Variants in SIPA1L3 observed in about 807,000 individuals in gnomAD.
The protein encoded by SIPA1L3 is signal-induced proliferation-associated 1-like protein 3.
In SIPA1L3, 59 loss-of-function variants were observed where a neutral mutation model predicts 150.1. That is an observed-to-expected ratio of 0.39 (90% CI 0.32 to 0.49). The LOEUF is 0.49. SIPA1L3 is among the 20% of genes least tolerant of loss of function. The pLI, the probability that SIPA1L3 is intolerant of heterozygous loss-of-function variation, is 0.86. For synonymous variants in SIPA1L3, 1,070 were observed against 1,077.6 expected (o/e 0.99, Z 0.14); for missense variants, 2,211 against 2,489.5 (o/e 0.89, Z 2.38).
intron 1 of SIPA1L3, among the ~76,000 whole-genome samples, chr19:37,927,289 T>C (rs533897509): frequency 6.6e-6 from 1 of 151,876 alleles, no homozygotes; most frequent in South Asian, 2.1e-4. Flanking sequence ...GGATTACAGG[T>C]GCCTCCACCA....
Position 38,100,907 on chromosome 19 carries a change from T to C in SIPA1L3, c.1855-145T>C, listed in dbSNP as rs1461034136. ...GGGACATGCTGCCATGCCCCAACAC[T>C]GTTTTCCCCTGTCTGGCTATGGCTC... is the stretch of plus-strand genomic sequence containing the variant. On this transcript the variant is annotated intron_variant, in intron 5 of 21. Coordinates refer to ENST00000222345, the MANE Select transcript of SIPA1L3 (RefSeq NM_015073.3). 12 of 865,018 alleles carry C rather than the reference T, an allele frequency of 1.4e-5. No individual in the cohort carries two copies. In the East Asian group the frequency reaches 3.8e-4, roughly 27 times the overall value. The allele number at this position is 865,018 out of a possible 1,614,324, so 53.6% of individuals were successfully genotyped here. A position where few individuals can be genotyped will look rare whatever the true frequency, so the allele number is the denominator to read the frequency against.
At chr19:38,155,439 A>T (rs1028639571) in intron 13 of SIPA1L3, among the ~76,000 whole-genome samples, 1 of 152,184 alleles carries the variant, frequency 6.6e-6, no homozygotes, top group Non-Finnish European at 1.5e-5. Context: ...CTAAGATTTG[A>T]GCATCTTCTC....
chr19:37,966,666 T>C (rs1365372303), intron 1 of SIPA1L3, among the ~76,000 whole-genome samples: 1 of 152,134 alleles, frequency 6.6e-6, no homozygotes, highest in Non-Finnish European at 1.5e-5. Flanking sequence ...CTCCCCAGTG[T>C]TTTCTTCTGT....
chr19:38,057,397 G>A (rs972459035), intron 2 of SIPA1L3, among the ~76,000 whole-genome samples: 3 of 151,150 alleles, frequency 2.0e-5, no homozygotes, highest in African/African-American at 2.4e-5. Context: ...ACAGATTTTC[G>A]AAAACCACTA....
At chr19:38,163,489 CAAAAAAAAAAA>C (rs34366358) in intron 14 of SIPA1L3, among the ~76,000 whole-genome samples, 2 of 51,320 alleles carry the variant, frequency 3.9e-5, no homozygotes, top group East Asian at 1.2e-3. Context: ...GACTCTATCT[CAAAAAAAAAAA>C]AAAAAAAAAA....
intron 2 of SIPA1L3, among the ~76,000 whole-genome samples, chr19:38,077,440 G>C (rs886770865): frequency 2.0e-5 from 3 of 151,774 alleles, no homozygotes; most frequent in African/African-American, 7.3e-5. Context: ...AACAGAGAAA[G>C]ACCCTGTCTC....
chr19:38,108,230 G>T (rs1970664830), intron 7 of SIPA1L3, among the ~76,000 whole-genome samples: 1 of 152,170 alleles, frequency 6.6e-6, no homozygotes. Flanking sequence ...GCAGAGAGCA[G>T]TGCCTTTTCC....
At chr19:38,096,421 T>A (rs954197361) in intron 4 of SIPA1L3, among the ~76,000 whole-genome samples, 2 of 152,098 alleles carry the variant, frequency 1.3e-5, no homozygotes, top group African/African-American at 4.8e-5. Context: ...GGCTAATTTT[T>A]CTATTTTAGT....
intron 17 of SIPA1L3, among the ~76,000 whole-genome samples, chr19:38,192,999 G>A (rs890228084): frequency 6.6e-6 from 1 of 152,102 alleles, no homozygotes; most frequent in Non-Finnish European, 1.5e-5. Flanking sequence ...TGGAGGGTGG[G>A]GTTGGGGAGT....
At chr19:38,129,894 C>G (rs1339063558) in intron 9 of SIPA1L3, among the ~76,000 whole-genome samples, 1 of 152,082 alleles carries the variant, frequency 6.6e-6, no homozygotes, top group Non-Finnish European at 1.5e-5. Context: ...TGGCAAAACC[C>G]TGTCTCTACT....
In SIPA1L3 at chr19:38,078,416, C is replaced by T. The variant is rs375042605; in HGVS notation, c.-310-2840C>T. Among the ~76,000 whole-genome samples, 5 of 151,120 alleles carry T rather than the reference C, an allele frequency of 3.3e-5. No individual in the cohort carries two copies. The East Asian group carries it at 5.8e-4, about 18-fold the overall frequency. On this transcript the variant is annotated intron_variant, in intron 2 of 21. Transcript: ENST00000222345. Reference sequence around the variant, plus strand: ...TAACTGGGCATAAATTAGGAAAAGCCCCCCTACACATGCGCATACATGCAC... The same window carrying T: ...TAACTGGGCATAAATTAGGAAAAGCTCCCCTACACATGCGCATACATGCAC...
intron 1 of SIPA1L3, among the ~76,000 whole-genome samples, chr19:37,977,513 C>G (rs1259938982): frequency 6.6e-6 from 1 of 152,106 alleles, no homozygotes; most frequent in Non-Finnish European, 1.5e-5. Flanking sequence ...AATCCCTGAG[C>G]AAGAGGAAGC....
chr19:38,168,585 C>T (rs1972258622), intron 15 of SIPA1L3, among the ~76,000 whole-genome samples: 1 of 152,100 alleles, frequency 6.6e-6, no homozygotes, highest in African/African-American at 2.4e-5. Flanking sequence ...GCAGTAGCCC[C>T]CATTCCAGGC....
chr19:38,129,938 A>G (rs1971268536), intron 9 of SIPA1L3, among the ~76,000 whole-genome samples: 1 of 151,754 alleles, frequency 6.6e-6, no homozygotes, highest in South Asian at 2.1e-4. Flanking sequence ...GTGGTAGCAG[A>G]CGCTTGTAAT....
chr19:38,166,593 C>T (rs1180030284), intron 15 of SIPA1L3, among the ~76,000 whole-genome samples: 1 of 152,134 alleles, frequency 6.6e-6, no homozygotes, highest in Non-Finnish European at 1.5e-5. Context: ...AAAGAGTATT[C>T]TACACAGACA....
intron 1 of SIPA1L3, among the ~76,000 whole-genome samples, chr19:38,025,850 T>C (rs1299575088): frequency 6.6e-6 from 1 of 152,204 alleles, no homozygotes; most frequent in Non-Finnish European, 1.5e-5. Context: ...TAGACCAGCT[T>C]AGCAATAGCA....
intron 1 of SIPA1L3, among the ~76,000 whole-genome samples, chr19:38,020,847 G>A (rs140822049): frequency 1.1e-4 from 16 of 151,480 alleles, no homozygotes; most frequent in Middle Eastern, 3.4e-3. Flanking sequence ...TCACTCTGTC[G>A]CCCAGGCTGG....
chr19:37,990,448 C>T (rs753768417), intron 1 of SIPA1L3, among the ~76,000 whole-genome samples: 7 of 152,170 alleles, frequency 4.6e-5, no homozygotes, highest in Admixed American at 1.3e-4. Flanking sequence ...GGAACTTTGG[C>T]GGAAGCCAGG....
chr19:38,146,565 C>A (rs1048574087), intron 12 of SIPA1L3, among the ~76,000 whole-genome samples: 4 of 152,174 alleles, frequency 2.6e-5, no homozygotes, highest in African/African-American at 4.8e-5. Context: ...GTTTTCATTT[C>A]TCTGGGATAA....
Sources: allele counts gnomAD v4.1 joint callset (sites outside exome capture counted in the v4.1 genomes callset), GRCh38; gene constraint gnomAD v4.1.1; transcripts MANE v1.5; gene names NCBI Gene and HGNC (gene_info 2026-07-23, HGNC 2026-07-21).